Variants in RABGAP1L observed in about 807,000 individuals in gnomAD.
RABGAP1L encodes RAB GTPase activating protein 1 like.
Under a neutral mutation model 137.7 loss-of-function variants are expected in RABGAP1L, and 63 were observed. The ratio of observed to expected loss-of-function variants is 0.46; its 90% CI spans 0.37 to 0.56. The LOEUF (loss-of-function observed/expected upper bound fraction) is 0.56. RABGAP1L is among the 20% of genes least tolerant of loss of function. RABGAP1L has a pLI of 0.00. For synonymous variants in RABGAP1L, 431 were observed against 433.7 expected, an observed-to-expected ratio of 0.99 and a Z score of 0.08; for missense variants, 1,095 against 1,244.0, an observed-to-expected ratio of 0.88 and a Z score of 1.80.
chr1:174,362,482 G>A (rs1684234800), intron 11 of RABGAP1L, among the ~76,000 whole-genome samples: 1 of 152,170 alleles, frequency 6.6e-6, no homozygotes, highest in African/African-American at 2.4e-5. Flanking sequence ...TCTGACTGGT[G>A]TGAAATGGTA....
intron 18 of RABGAP1L, among the ~76,000 whole-genome samples, chr1:174,790,799 G>T (rs1687797123): frequency 6.6e-6 from 1 of 151,678 alleles, no homozygotes; most frequent in Non-Finnish European, 1.5e-5. Flanking sequence ...AGGGGGCGGG[G>T]GGTATGTGTT....
chr1:174,874,565 T>A, intron 19 of RABGAP1L: 221 of 405,334 alleles, frequency 5.5e-4, no homozygotes, highest in Non-Finnish European at 6.5e-4. Flanking sequence ...CAGGTAATTC[T>A]CCACACCACT....
intron 19 of RABGAP1L, among the ~76,000 whole-genome samples, chr1:174,890,160 A>G (rs1349123903): frequency 6.6e-6 from 1 of 152,244 alleles, no homozygotes; most frequent in African/African-American, 2.4e-5. Flanking sequence ...CACTGTGTTA[A>G]GCTTTGAGAC....
At chr1:174,445,630 T>C (rs1272635555) in intron 13 of RABGAP1L, among the ~76,000 whole-genome samples, 5 of 152,122 alleles carry the variant, frequency 3.3e-5, no homozygotes, top group African/African-American at 1.2e-4. Flanking sequence ...AAAATGTAAC[T>C]ATATATTTTA....
chr1:174,870,825 C>A (rs1317618366), intron 19 of RABGAP1L, among the ~76,000 whole-genome samples: 1 of 151,502 alleles, frequency 6.6e-6, no homozygotes, highest in Non-Finnish European at 1.5e-5. Flanking sequence ...GCAAGCTCCA[C>A]CTTCCAGGCT....
chr1:174,544,055 A>G (rs1235072007), intron 13 of RABGAP1L, among the ~76,000 whole-genome samples: 2 of 152,148 alleles, frequency 1.3e-5, no homozygotes, highest in Non-Finnish European at 1.5e-5. Flanking sequence ...ACTTTGGTGA[A>G]TCTGACAGTT....
chr1:174,448,728 T>A lies in RABGAP1L; in HGVS notation c.1710+54583T>A. On this transcript the variant is annotated intron_variant, in intron 13 of 25. Transcript: ENST00000681986. This position sits in a 1 kb window ranked among gnomAD's most constrained non-coding sequence, Gnocchi z 4.2. ...CTCACCAGTGCCTATTTTACTGGCTTTATTGTTTGTTTACTTTATGCTCCT... is the reference window on the plus strand; with the variant it reads ...CTCACCAGTGCCTATTTTACTGGCTATATTGTTTGTTTACTTTATGCTCCT... 6.2e-7 allele frequency: 1 copy of A among 1,613,908 alleles called. No homozygotes were observed. The highest frequency in any genetic ancestry group is 8.5e-7 in the Non-Finnish European group (1 of 1,179,828).
At position 174,200,909 on chromosome 1, in the gene RABGAP1L, G is replaced by T. The variant is rs1558026569; in HGVS notation, c.-33-18216G>T. Reference sequence around the variant, plus strand: ...AACTTTTTCAATGTGTCCCCGTTTGGTTTCAGTTATCCACATCTGAAGTCA... The same window carrying T: ...AACTTTTTCAATGTGTCCCCGTTTGTTTTCAGTTATCCACATCTGAAGTCA... On this transcript the variant is annotated intron_variant, in intron 1 of 25. Transcript: ENST00000681986. Among the ~76,000 whole-genome samples the T allele has an allele frequency of 2.0e-5, 3 of 152,042 alleles. No individual in the cohort carries two copies. The South Asian group carries it at 6.2e-4, about 32-fold the overall frequency.
At chr1:174,515,717 A>G (rs765372649) in intron 13 of RABGAP1L, among the ~76,000 whole-genome samples, 2 of 152,164 alleles carry the variant, frequency 1.3e-5, no homozygotes, top group Admixed American at 6.5e-5. Context: ...ATGACTAGGT[A>G]TATGGTATTG....
intron 13 of RABGAP1L, among the ~76,000 whole-genome samples, chr1:174,621,373 C>G (rs981166038): frequency 4.6e-5 from 7 of 152,130 alleles, no homozygotes; most frequent in Non-Finnish European, 8.8e-5. Context: ...CATATGGAAC[C>G]AAAAATGAAC....
chr1:174,664,734 C>CTTTTTTTTT (rs71701825), intron 14 of RABGAP1L, among the ~76,000 whole-genome samples: 4 of 97,574 alleles, frequency 4.1e-5, no homozygotes, highest in Non-Finnish European at 7.3e-5. Flanking sequence ...TTTCTGCTTT[C>CTTTTTTTTT]TTTTTTTTTT....
At chr1:174,589,222 T>C (rs572548976) in intron 13 of RABGAP1L, among the ~76,000 whole-genome samples, 11 of 152,354 alleles carry the variant, frequency 7.2e-5, no homozygotes, top group African/African-American at 2.2e-4. Flanking sequence ...CACTTTTTTA[T>C]ATACCTGTTT....
intron 13 of RABGAP1L, among the ~76,000 whole-genome samples, chr1:174,552,097 A>G (rs1199765831): frequency 6.6e-6 from 1 of 152,246 alleles, no homozygotes; most frequent in African/African-American, 2.4e-5. Flanking sequence ...TACATGTTTA[A>G]CAACATTCAT....
intron 19 of RABGAP1L, among the ~76,000 whole-genome samples, chr1:174,948,066 T>C (rs1667153114): frequency 6.6e-6 from 1 of 152,178 alleles, no homozygotes; most frequent in East Asian, 1.9e-4. Context: ...TTCAGTGGTT[T>C]TCAGATGGAC....
chr1:174,809,655 G>T (rs1262731365), intron 18 of RABGAP1L, among the ~76,000 whole-genome samples: 1 of 152,104 alleles, frequency 6.6e-6, no homozygotes, highest in East Asian at 1.9e-4. Context: ...GAGGACTTTC[G>T]GTAGTGAGGA....
chr1:174,885,419 A>G (rs1246664500), intron 19 of RABGAP1L, among the ~76,000 whole-genome samples: 2 of 152,224 alleles, frequency 1.3e-5, no homozygotes, highest in African/African-American at 4.8e-5. Flanking sequence ...GAATGAGACA[A>G]GGTCTGTCGC....
chr1:174,911,515 A>G (rs1660051507), intron 19 of RABGAP1L, among the ~76,000 whole-genome samples: 1 of 152,236 alleles, frequency 6.6e-6, no homozygotes, highest in Non-Finnish European at 1.5e-5. Flanking sequence ...AAATCTGAGA[A>G]TGTGCTTAGG....
At chr1:174,865,034 C>T (rs144251625) in intron 19 of RABGAP1L, among the ~76,000 whole-genome samples, 3,296 of 151,888 alleles carry the variant, frequency 0.022, 53 homozygotes, top group Middle Eastern at 0.083. Flanking sequence ...GGAGGATCAC[C>T]GAAGCCCGGG....
intron 19 of RABGAP1L, among the ~76,000 whole-genome samples, chr1:174,889,133 T>C (rs1159890720): frequency 6.6e-6 from 1 of 151,734 alleles, no homozygotes; most frequent in Non-Finnish European, 1.5e-5. Flanking sequence ...TTTAACTTTT[T>C]TTTTTTTTGA....
Sources: gnomAD v4.1 joint callset for allele counts (sites outside exome capture counted in the v4.1 genomes callset) on GRCh38, gnomAD v4.1.1 for gene constraint, Gnocchi (gnomAD v3.1) non-coding constraint, MANE v1.5 for transcripts, NCBI Gene and HGNC (gene_info 2026-07-23, HGNC 2026-07-21) for gene names.